Variants in ARID1B observed in about 807,000 individuals in gnomAD.
The protein encoded by ARID1B is AT-rich interactive domain-containing protein 1B.
ARID1B carries 30 observed loss-of-function variants against 212.3 expected under a neutral mutation model. That is an observed-to-expected ratio of 0.14 (90% CI 0.11 to 0.19). The LOEUF (loss-of-function observed/expected upper bound fraction) is 0.19, where lower values mean the gene tolerates loss of function less well. Ranked by LOEUF, ARID1B falls within the 10% of genes least tolerant of loss-of-function variation. The pLI is 1.00. For missense variants in ARID1B, 2,891 were observed against 3,204.0 expected (o/e 0.90, Z 2.36); for synonymous variants, 1,402 against 1,301.7 (o/e 1.08, Z -1.66).
intron 4 of ARID1B, among the ~76,000 whole-genome samples, chr6:157,083,222 G>A (rs1331245044): frequency 1.3e-5 from 2 of 152,206 alleles, no homozygotes; most frequent in Non-Finnish European, 2.9e-5. Context: ...AATTTAGAGG[G>A]TGGAGATCTA....
intron 4 of ARID1B, among the ~76,000 whole-genome samples, chr6:156,981,110 C>G (rs192167533): frequency 5.9e-5 from 9 of 152,222 alleles, no homozygotes; most frequent in Non-Finnish European, 1.0e-4. Context: ...ACTGTCCTCC[C>G]TTGTCTACTT....
chr6:156,951,691 C>G (rs1793602634), intron 4 of ARID1B, among the ~76,000 whole-genome samples: 2 of 152,174 alleles, frequency 1.3e-5, no homozygotes, highest in Non-Finnish European at 2.9e-5. Flanking sequence ...GATCCGCCCG[C>G]CTCAGCCTTC....
intron 4 of ARID1B, among the ~76,000 whole-genome samples, chr6:157,075,827 T>A (rs1045018173): frequency 1.3e-5 from 2 of 152,146 alleles, no homozygotes; most frequent in Non-Finnish European, 2.9e-5. Context: ...TTTTACAAAA[T>A]ACCTGACAAG....
chr6:156,858,918 A>G (rs1785130947), intron 2 of ARID1B, among the ~76,000 whole-genome samples: 1 of 152,112 alleles, frequency 6.6e-6, no homozygotes. Flanking sequence ...GCAGGACTGG[A>G]AGTTGCACTG....
At chr6:156,979,095 C>G (rs1015560524) in intron 4 of ARID1B, among the ~76,000 whole-genome samples, 5 of 152,136 alleles carry the variant, frequency 3.3e-5, no homozygotes, top group African/African-American at 1.2e-4. Flanking sequence ...GATAAAGTTT[C>G]CAGATTGTGA....
At position 157,208,029 on chromosome 6, in the gene ARID1B, T is replaced by A. The variant is rs1234636427; in HGVS notation, c.*138T>A. ...CTCTGCCCCATTCACTATTTACCAATTGGGAATTAAAGAAATAATTAATTT... is the reference window on the plus strand; with the variant it reads ...CTCTGCCCCATTCACTATTTACCAAATGGGAATTAAAGAAATAATTAATTT... On this transcript the variant is annotated 3_prime_UTR_variant, in exon 20 of 20. Transcript: ENST00000636930. The A allele has an allele frequency of 4.7e-5, 42 of 894,030 alleles. No homozygotes were observed. The highest frequency in any genetic ancestry group is 4.9e-5 in the Non-Finnish European group (32 of 648,804). The allele number at this position is 894,030 out of a possible 1,614,324, so 55.4% of individuals were successfully genotyped here.
intron 4 of ARID1B, among the ~76,000 whole-genome samples, chr6:157,065,591 G>A (rs114509708): frequency 0.015 from 2,253 of 152,278 alleles, 56 homozygotes; most frequent in African/African-American, 0.052. Flanking sequence ...TAGAGAATTG[G>A]AACAATTGTG....
rs61736269 is a variant in ARID1B, at chr6:157,181,145, C to T, written c.3681C>T (p.Tyr1227=). The T allele has an allele frequency of 3.3e-4, 525 of 1,614,190 alleles. No homozygotes were observed. In the African/African-American group the frequency reaches 6.3e-3, roughly 19 times the overall value. The change falls in exon 12 of 20, where the codon TAC becomes TAT. Residue 1227 remains tyrosine, a synonymous_variant. Transcript: ENST00000636930. The part of the protein sequence containing the change: ...GKKPLDLFRL[Y]VCVKEIGGLA... The stretch of plus-strand genomic sequence containing the variant: ...AGCCCCTGGACCTGTTCCGACTCTA[C>T]GTCTGCGTCAAAGAGATCGGGGGTT...
chr6:157,027,150 G>A (rs1350150914), intron 4 of ARID1B, among the ~76,000 whole-genome samples: 1 of 152,102 alleles, frequency 6.6e-6, no homozygotes, highest in Non-Finnish European at 1.5e-5. Context: ...GTCTTCCCTA[G>A]AGTCATTTTT....
At chr6:156,786,785 TG>T (rs1779662590) in intron 1 of ARID1B, among the ~76,000 whole-genome samples, 1 of 152,212 alleles carries the variant, frequency 6.6e-6, no homozygotes. Context: ...AGCTGGGGTC[TG>T]GGGATTGCTG....
intron 7 of ARID1B, among the ~76,000 whole-genome samples, chr6:157,136,156 C>T (rs1788893374): frequency 6.6e-6 from 1 of 152,166 alleles, no homozygotes; most frequent in Non-Finnish European, 1.5e-5. Flanking sequence ...CTCCACTTTA[C>T]AGAGGAAGAA....
intron 4 of ARID1B, among the ~76,000 whole-genome samples, chr6:157,058,915 T>G (rs1352233504): frequency 6.6e-6 from 1 of 152,090 alleles, no homozygotes; most frequent in African/African-American, 2.4e-5. Flanking sequence ...CAGAGGAGGG[T>G]AGCCTCACAG....
At chr6:157,061,367 G>A (rs566785420) in intron 4 of ARID1B, among the ~76,000 whole-genome samples, 1 of 152,170 alleles carries the variant, frequency 6.6e-6, no homozygotes, top group Admixed American at 6.5e-5. Context: ...ACTTAGAATG[G>A]TACGGAGCAC....
At chr6:156,960,724 T>TA (rs1032129785) in intron 4 of ARID1B, among the ~76,000 whole-genome samples, 48 of 152,108 alleles carry the variant, frequency 3.2e-4, no homozygotes, top group African/African-American at 1.1e-3. Flanking sequence ...CTCTCTGCAA[T>TA]AAAAAACAAC....
intron 4 of ARID1B, among the ~76,000 whole-genome samples, chr6:157,016,924 A>G (rs1779951110): frequency 1.3e-5 from 2 of 152,206 alleles, no homozygotes; most frequent in South Asian, 2.1e-4. Context: ...CAAGGAACCT[A>G]TCAATGTTGT....
chr6:157,194,371 C>G (rs892350572), intron 15 of ARID1B: 1 of 152,182 alleles, frequency 6.6e-6, no homozygotes, highest in Non-Finnish European at 1.5e-5. Context: ...ATACTTGATG[C>G]TGGCATTGGC....
chr6:156,805,877 G>A (rs563012580), intron 1 of ARID1B, among the ~76,000 whole-genome samples: 2 of 152,040 alleles, frequency 1.3e-5, no homozygotes, highest in East Asian at 3.9e-4. Context: ...GAGTCTCGCT[G>A]TGTTGCCTAA....
intron 7 of ARID1B, among the ~76,000 whole-genome samples, chr6:157,144,024 A>C (rs1789551695): frequency 6.6e-6 from 1 of 152,248 alleles, no homozygotes; most frequent in Non-Finnish European, 1.5e-5. Flanking sequence ...CCCAGGTTGC[A>C]GATGCTTCCT....
intron 2 of ARID1B, 82 bp from the exon 3 acceptor site, chr6:156,901,294 T>A: frequency 6.6e-7 from 1 of 1,524,838 alleles, no homozygotes; most frequent in Non-Finnish European, 9.0e-7. Context: ...ACCCCCTTCA[T>A]GTTGCTGAAT....
Sources: allele counts gnomAD v4.1 joint callset (sites outside exome capture counted in the v4.1 genomes callset), GRCh38; gene constraint gnomAD v4.1.1; transcripts MANE v1.5; gene names NCBI Gene and HGNC (gene_info 2026-07-23, HGNC 2026-07-21).